The following SLC6A11 variants were observed in gnomAD, a reference collection of about 807,000 sequenced individuals.
The protein encoded by SLC6A11 is sodium- and chloride-dependent GABA transporter 3.
Under a neutral mutation model 74.8 loss-of-function variants are expected in SLC6A11, and 25 were observed. The observed-to-expected ratio is 0.33, with a 90% CI of 0.24 to 0.47. The LOEUF (loss-of-function observed/expected upper bound fraction) is 0.47, where lower values mean the gene tolerates loss of function less well. SLC6A11 is among the 20% of genes least tolerant of loss of function. The probability of loss-of-function intolerance (pLI) is 1.00; values close to 1 mark genes in which losing one functional copy is unlikely to be tolerated. For missense variants in SLC6A11, 574 were observed against 837.0 expected, an observed-to-expected ratio of 0.69 and a Z score of 3.88; for synonymous variants, 330 against 330.2, an observed-to-expected ratio of 1.00 and a Z score of 0.01.
Position 10,816,392 on chromosome 3 carries a change from C to T in SLC6A11, c.127C>T (p.Arg43Cys). The T allele has an allele frequency of 2.0e-6, 3 of 1,529,774 alleles. No homozygotes were observed. Among genetic ancestry groups the T allele is most frequent in the Non-Finnish European group, 2.6e-6 (3 of 1,139,954 alleles). The allele number at this position is 1,529,774 out of a possible 1,614,324, so 94.8% of individuals were successfully genotyped here. A position where few individuals can be genotyped will look rare whatever the true frequency, so the allele number is the denominator to read the frequency against. ...AAPARHPRVK[R>C]DKAVHERGHW... ...GCCCGCGCGCCACCCGCGCGTCAAGCGCGACAAGGCGGTCCACGAGCGCGG... is the reference window on the plus strand; with the variant it reads ...GCCCGCGCGCCACCCGCGCGTCAAGTGCGACAAGGCGGTCCACGAGCGCGG... The change falls in exon 1 of 14, where the codon CGC becomes TGC. Residue 43 changes from arginine (R) to cysteine (C), a missense_variant. Physicochemically the swap from Arg to Cys is radical, Grantham distance 180. Around this residue, in one of 4 missense-constraint regions of SLC6A11, gnomAD observed 86 missense variants for 87.4 expected, o/e 0.98. Transcript: ENST00000254488. The surrounding 1 kb of genome is among the most constrained non-coding windows in gnomAD (Gnocchi z 4.2).
chr3:10,909,130 T>C (rs1319000297), intron 6 of SLC6A11, among the ~76,000 whole-genome samples: 1 of 111,846 alleles, frequency 8.9e-6, no homozygotes, highest in East Asian at 3.1e-4. Context: ...AAAAAAAAAG[T>C]GTCCCATTGA....
chr3:10,909,180 G>A (rs2106624335), intron 6 of SLC6A11, among the ~76,000 whole-genome samples: 1 of 150,992 alleles, frequency 6.6e-6, no homozygotes, highest in African/African-American at 2.4e-5. Flanking sequence ...ACCAGTCACT[G>A]TAGCCAAGAA....
At chr3:10,919,033 C>G (rs543541506) in intron 8 of SLC6A11, among the ~76,000 whole-genome samples, 1 of 152,148 alleles carries the variant, frequency 6.6e-6, no homozygotes, top group Non-Finnish European at 1.5e-5. Context: ...CAAGTTAACT[C>G]TCTCCTCCTC....
rs1695615368 is a variant in SLC6A11 at position 10,926,879 on chromosome 3, G to A, written c.1233+763G>A. Among the ~76,000 whole-genome samples, 1 of 152,146 alleles carries A rather than the reference G, an allele frequency of 6.6e-6. No individual in the cohort carries two copies. ...CACCCTTTGCCTGCTGGTCCTCACAGCTGTTTTCCCTAGGAGCCCTGGAGA... is the reference window on the plus strand; with the variant it reads ...CACCCTTTGCCTGCTGGTCCTCACAACTGTTTTCCCTAGGAGCCCTGGAGA... On this transcript the variant is annotated intron_variant, in intron 9 of 13. Coordinates refer to ENST00000254488, the MANE Select transcript of SLC6A11 (RefSeq NM_014229.3). The surrounding 1 kb of genome is among the most constrained non-coding windows in gnomAD (Gnocchi z 5.7).
intron 5 of SLC6A11, among the ~76,000 whole-genome samples, chr3:10,851,047 G>A (rs1694569220): frequency 6.6e-6 from 1 of 152,140 alleles, no homozygotes; most frequent in Admixed American, 6.5e-5. Flanking sequence ...CCTGGACACT[G>A]CCCTCTGCAG....
At chr3:10,858,764 T>C (rs552668133) in intron 5 of SLC6A11, among the ~76,000 whole-genome samples, 112 of 152,344 alleles carry the variant, frequency 7.4e-4, no homozygotes, top group African/African-American at 2.4e-3. Flanking sequence ...TACGGAGCTA[T>C]GTGCCTTCAA....
At chr3:10,905,597 C>T (rs2655281) in intron 6 of SLC6A11, among the ~76,000 whole-genome samples, 96,659 of 152,158 alleles carry the variant, frequency 0.64, 32,185 homozygotes, top group African/African-American at 0.82. Context: ...TTAACAAATA[C>T]ACCACCTCAC....
At chr3:10,932,474 C>G (rs374009954) in intron 10 of SLC6A11, among the ~76,000 whole-genome samples, 2 of 152,136 alleles carry the variant, frequency 1.3e-5, no homozygotes, top group African/African-American at 4.8e-5. Flanking sequence ...TGTGAGCCCA[C>G]AAAACATGCT....
intron 5 of SLC6A11, among the ~76,000 whole-genome samples, chr3:10,863,580 A>C (rs1694729717): frequency 6.6e-6 from 1 of 152,186 alleles, no homozygotes; most frequent in South Asian, 2.1e-4. Flanking sequence ...CACATTGCTC[A>C]GTGTGTTGCA....
At chr3:10,848,319 A>T (rs1291708228) in intron 5 of SLC6A11, among the ~76,000 whole-genome samples, 1 of 152,214 alleles carries the variant, frequency 6.6e-6, no homozygotes, top group African/African-American at 2.4e-5. Context: ...GGGCTATAAG[A>T]ACACCAGAGG....
chr3:10,831,577 T>G (rs1299346454), intron 4 of SLC6A11, among the ~76,000 whole-genome samples: 6 of 152,236 alleles, frequency 3.9e-5, no homozygotes, highest in Admixed American at 3.3e-4. Context: ...CAGAAACTAT[T>G]AACAGATTAC....
intron 4 of SLC6A11, among the ~76,000 whole-genome samples, chr3:10,828,797 C>T (rs1431495608): frequency 6.6e-6 from 1 of 152,182 alleles, no homozygotes; most frequent in African/African-American, 2.4e-5. Flanking sequence ...CTTAATGCCC[C>T]ATCACTCTTT....
chr3:10,875,538 T>A (rs1694896916), intron 6 of SLC6A11, among the ~76,000 whole-genome samples: 1 of 151,888 alleles, frequency 6.6e-6, no homozygotes, highest in Admixed American at 6.6e-5. Context: ...AATTAAAAAT[T>A]AAAAAAAAAT....
At chr3:10,932,478 ACATG>A (rs1202731139) in intron 10 of SLC6A11, among the ~76,000 whole-genome samples, 1 of 152,168 alleles carries the variant, frequency 6.6e-6, no homozygotes, top group Non-Finnish European at 1.5e-5. Flanking sequence ...AGCCCACAAA[ACATG>A]CTATGAAGGC....
intron 5 of SLC6A11, among the ~76,000 whole-genome samples, chr3:10,847,622 C>CAGGCCA (rs1694520654): frequency 6.6e-6 from 1 of 152,138 alleles, no homozygotes; most frequent in South Asian, 2.1e-4. Context: ...GAATAAATGT[C>CAGGCCA]AGGCCAGGAG....
chr3:10,872,362 C>G (rs901460228), intron 5 of SLC6A11, among the ~76,000 whole-genome samples: 2 of 152,218 alleles, frequency 1.3e-5, no homozygotes, highest in African/African-American at 4.8e-5. Flanking sequence ...GTGTAAAGGG[C>G]TGGGCATGGA....
At chr3:10,837,977 C>G (rs953398426) in intron 4 of SLC6A11, among the ~76,000 whole-genome samples, 6 of 152,344 alleles carry the variant, frequency 3.9e-5, no homozygotes, top group Admixed American at 2.6e-4. Flanking sequence ...GGTTTGTGTG[C>G]TTGTTGCTTT....
At chr3:10,911,973 C>T (rs1466973989) in intron 6 of SLC6A11, 117 bp from the exon 7 acceptor site, 16 of 732,320 alleles carry the variant, frequency 2.2e-5, no homozygotes, top group Non-Finnish European at 2.7e-5. Flanking sequence ...GTTTAATTAT[C>T]CCTTATGGAG....
Position 10,875,072 on chromosome 3 carries a change from C to G in SLC6A11, c.868C>G (p.Leu290Val), listed in dbSNP as rs199738480. The G allele has an allele frequency of 6.2e-7, 1 of 1,610,432 alleles. No individual in the cohort carries two copies. Among genetic ancestry groups the G allele is most frequent in the African/African-American group, 1.3e-5 (1 of 74,954 alleles). ...EGIKFYLYPD[L>V]SRLSDPQVWV... ...CATCAAGTTCTACTTGTACCCTGAC[C>G]TCTCCCGGCTCTCCGACCCCCAGGT... is the stretch of plus-strand genomic sequence containing the variant. The change falls in exon 6 of 14, where the codon CTC (leucine) becomes GTC (valine). Residue 290 changes from leucine to valine, a missense_variant. Coordinates refer to ENST00000254488, the MANE Select transcript of SLC6A11 (RefSeq NM_014229.3).
Sources: allele counts gnomAD v4.1 joint callset (sites outside exome capture counted in the v4.1 genomes callset), GRCh38; gene constraint gnomAD v4.1.1; regional missense constraint gnomAD v4.1.1; non-coding constraint Gnocchi (gnomAD v3.1); transcripts MANE v1.5; gene names NCBI Gene and HGNC (gene_info 2026-07-23, HGNC 2026-07-21).